Variants in GBE1 observed in about 807,000 individuals in gnomAD.
GBE1 encodes 1,4-alpha-glucan branching enzyme 1.
Under a neutral mutation model 88.8 loss-of-function variants are expected in GBE1, and 70 were observed. That is an observed-to-expected ratio of 0.79 (90% confidence interval 0.65 to 0.96). The LOEUF (loss-of-function observed/expected upper bound fraction) is 0.96, where lower values mean the gene tolerates loss of function less well. Ranked by LOEUF, GBE1 falls within the 40% of genes least tolerant of loss-of-function variation. The probability of loss-of-function intolerance (pLI) is 0.00; values close to 1 mark genes in which losing one functional copy is unlikely to be tolerated. For missense variants in GBE1, 872 were observed against 871.0 expected (o/e 1.00, Z -0.01); for synonymous variants, 284 against 300.1 (o/e 0.95, Z 0.56).
At chr3:81,682,995 A>G (rs949959617) in intron 2 of GBE1, among the ~76,000 whole-genome samples, 1 of 152,228 alleles carries the variant, frequency 6.6e-6, no homozygotes, top group Non-Finnish European at 1.5e-5. Context: ...ATCACAAAAA[A>G]ACACATATTA....
At chr3:81,678,503 G>A (rs1329151875) in intron 2 of GBE1, among the ~76,000 whole-genome samples, 1 of 152,164 alleles carries the variant, frequency 6.6e-6, no homozygotes, top group East Asian at 1.9e-4. Context: ...CAAAGGGGAT[G>A]ATAAATGGAT....
At chr3:81,755,941 T>A (rs992042760) in intron 1 of GBE1, among the ~76,000 whole-genome samples, 1 of 152,170 alleles carries the variant, frequency 6.6e-6, no homozygotes, top group Non-Finnish European at 1.5e-5. Flanking sequence ...CAATACAATT[T>A]TTTTTTAATT....
chr3:81,549,860 G>A (rs375960961), intron 12 of GBE1, among the ~76,000 whole-genome samples: 1 of 151,464 alleles, frequency 6.6e-6, no homozygotes, highest in African/African-American at 2.4e-5. Flanking sequence ...AAACTGGAGA[G>A]AGAAATTAAG....
At chr3:81,553,017 GTC>G (rs1703293846) in intron 12 of GBE1, among the ~76,000 whole-genome samples, 2 of 152,166 alleles carry the variant, frequency 1.3e-5, no homozygotes, top group South Asian at 4.1e-4. Flanking sequence ...GAACTTAGAT[GTC>G]TCTGCGTACT....
intron 1 of GBE1, among the ~76,000 whole-genome samples, chr3:81,759,807 G>T (rs1706654270): frequency 6.6e-6 from 1 of 151,700 alleles, no homozygotes; most frequent in South Asian, 2.1e-4. Context: ...GTACATGAAA[G>T]AAACACTTAA....
At chr3:81,549,030 C>CTTT (rs150990059) in intron 12 of GBE1, among the ~76,000 whole-genome samples, 1 of 114,290 alleles carries the variant, frequency 8.7e-6, no homozygotes, top group Non-Finnish European at 1.8e-5. Flanking sequence ...TGTGAGTATT[C>CTTT]TTTTTTTTTT....
intron 1 of GBE1, among the ~76,000 whole-genome samples, chr3:81,750,672 T>TATATATATATGTGTATATATATAC (rs1279745897): frequency 1.3e-5 from 1 of 77,754 alleles, no homozygotes; most frequent in African/African-American, 9.0e-5. Context: ...TATATATATA[T>TATATATATATGTGTATATATATAC]ACGTATATAT....
intron 2 of GBE1, among the ~76,000 whole-genome samples, chr3:81,692,518 G>A (rs1705536297): frequency 6.6e-6 from 1 of 152,124 alleles, no homozygotes; most frequent in South Asian, 2.1e-4. Flanking sequence ...AGAATGCAGA[G>A]CCCCCTTTTG....
chr3:81,696,876 A>C (rs993410250), intron 2 of GBE1, among the ~76,000 whole-genome samples: 2 of 152,182 alleles, frequency 1.3e-5, no homozygotes, highest in African/African-American at 2.4e-5. Flanking sequence ...ATACCAGGAA[A>C]AACTCTCTCA....
chr3:81,616,712 A>G (rs1704252920), intron 7 of GBE1, among the ~76,000 whole-genome samples: 1 of 152,132 alleles, frequency 6.6e-6, no homozygotes, highest in African/African-American at 2.4e-5. Flanking sequence ...AATAATCTCT[A>G]TGTCTACATC....
At chr3:81,633,448 C>T (rs1404530164) in intron 7 of GBE1, among the ~76,000 whole-genome samples, 2 of 152,164 alleles carry the variant, frequency 1.3e-5, no homozygotes, top group Non-Finnish European at 2.9e-5. Context: ...ATTCTCTATA[C>T]TGCCTGCAAG....
chr3:81,642,245 G>A (rs530719827), intron 7 of GBE1, among the ~76,000 whole-genome samples: 1 of 152,134 alleles, frequency 6.6e-6, no homozygotes, highest in African/African-American at 2.4e-5. Context: ...TGTAAGTAGA[G>A]TTGCTGTGCA....
chr3:81,727,609 C>T (rs3772891), intron 1 of GBE1, among the ~76,000 whole-genome samples: 32,884 of 152,110 alleles, frequency 0.22, 4,080 homozygotes, highest in East Asian at 0.37. Context: ...TATGAATCAG[C>T]TGTCAATTAG....
chr3:81,667,849 C>T (rs973630171), intron 3 of GBE1, among the ~76,000 whole-genome samples: 32 of 152,020 alleles, frequency 2.1e-4, no homozygotes, highest in African/African-American at 7.5e-4. Context: ...TTCGGTTTGC[C>T]CGTATTTTAT....
intron 14 of GBE1, among the ~76,000 whole-genome samples, chr3:81,520,066 A>G (rs897939347): frequency 1.3e-5 from 2 of 151,498 alleles, no homozygotes; most frequent in African/African-American, 4.8e-5. Context: ...ACACTGCTTA[A>G]CCTTTACCTG....
At chr3:81,750,039 G>C (rs1290678214) in intron 1 of GBE1, among the ~76,000 whole-genome samples, 1 of 152,124 alleles carries the variant, frequency 6.6e-6, no homozygotes, top group Non-Finnish European at 1.5e-5. Flanking sequence ...GCAAAAAGAA[G>C]CCTGTTAGTT....
chr3:81,710,409 G>T (rs1450712565), intron 1 of GBE1, among the ~76,000 whole-genome samples: 2 of 149,666 alleles, frequency 1.3e-5, no homozygotes, highest in East Asian at 3.9e-4. Context: ...TTATTTTAAG[G>T]TAATTAATTT....
intron 15 of GBE1, among the ~76,000 whole-genome samples, chr3:81,497,842 C>T (rs755014628): frequency 6.6e-6 from 1 of 152,244 alleles, no homozygotes; most frequent in Non-Finnish European, 1.5e-5. Flanking sequence ...TATTTCAGAA[C>T]TTTATGGTAA....
At position 81,666,281 on chromosome 3, in the gene GBE1, G is replaced by T. The variant is rs534836029; in HGVS notation, c.429+4557C>A. ...ATACCCATAAAATCTGTCAAGAGTG[G>T]ATGGTAGCCTGGAGGGCCAGGCCAT... is the stretch of plus-strand genomic sequence containing the variant. On this transcript the variant is annotated intron_variant, in intron 3 of 15. Transcript: ENST00000429644. Among the ~76,000 whole-genome samples, 15 of 152,314 alleles carry T rather than the reference G, an allele frequency of 9.8e-5. No homozygotes were observed. In the East Asian group the frequency reaches 2.7e-3, roughly 27 times the overall value.
Sources: allele counts gnomAD v4.1 joint callset (sites outside exome capture counted in the v4.1 genomes callset), GRCh38; gene constraint gnomAD v4.1.1; transcripts MANE v1.5; gene names NCBI Gene and HGNC (gene_info 2026-07-23, HGNC 2026-07-21).